Variants in HS6ST3 observed in about 807,000 individuals in gnomAD.
The protein encoded by HS6ST3 is heparan sulfate 6-O-sulfotransferase 3, also known as heparan-sulfate 6-O-sulfotransferase 3.
HS6ST3 carries 12 observed loss-of-function variants against 36.7 expected under a neutral mutation model. The observed-to-expected ratio is 0.33, with a 90% CI of 0.21 to 0.53. The LOEUF is 0.53. Among genes scored for constraint, HS6ST3 ranks in the 20% least tolerant of loss-of-function variants. The pLI is 0.95. For synonymous variants in HS6ST3, 240 were observed against 257.5 expected (o/e 0.93, Z 0.65); for missense variants, 584 against 640.9 (o/e 0.91, Z 0.96).
intron 1 of HS6ST3, among the ~76,000 whole-genome samples, chr13:96,270,535 G>GA (rs1389720427): frequency 1.3e-5 from 2 of 151,782 alleles, no homozygotes; most frequent in Non-Finnish European, 2.9e-5. Context: ...CTTCACTTCT[G>GA]AAAATTAGAC....
intron 1 of HS6ST3, among the ~76,000 whole-genome samples, chr13:96,392,441 TAAAAC>T (rs2055400442): frequency 6.6e-6 from 1 of 152,018 alleles, no homozygotes; most frequent in Non-Finnish European, 1.5e-5. Flanking sequence ...GCCTCAATAA[TAAAAC>T]AAACAGCACA....
intron 1 of HS6ST3, among the ~76,000 whole-genome samples, chr13:96,213,626 A>G (rs1003730759): frequency 3.3e-5 from 5 of 151,854 alleles, no homozygotes; most frequent in South Asian, 2.1e-4. Context: ...TTTTAATGTC[A>G]GGGAATGGTG....
In HS6ST3 at chr13:96,832,928, G is replaced by A. The variant is rs187937406; in HGVS notation, c.1146G>A (p.Thr382=). 1.8e-4 allele frequency: 286 copies of A among 1,614,088 alleles called. No individual in the cohort carries two copies. In the East Asian group the frequency reaches 3.4e-3, roughly 19 times the overall value. ...FISPFTQFNI[T]RASNVEINEG... ...CCCCCTTCACACAGTTCAACATCAC[G>A]CGGGCTTCTAACGTGGAGATCAACG... The change falls in exon 2 of 2, where the codon ACG becomes ACA. Residue 382 remains threonine (T), a synonymous_variant. Transcript: ENST00000376705.
At chr13:96,105,308 C>T (rs2053836637) in intron 1 of HS6ST3, among the ~76,000 whole-genome samples, 1 of 152,022 alleles carries the variant, frequency 6.6e-6, no homozygotes, top group Non-Finnish European at 1.5e-5. Context: ...GAAGGGTTTA[C>T]AGCTGTGAAA....
At chr13:96,523,860 C>G (rs1348133405) in intron 1 of HS6ST3, among the ~76,000 whole-genome samples, 2 of 152,294 alleles carry the variant, frequency 1.3e-5, no homozygotes, top group Non-Finnish European at 2.9e-5. Flanking sequence ...CTGCTTCTGT[C>G]AACTCGTCAA....
At chr13:96,614,964 A>C (rs1466947926) in intron 1 of HS6ST3, among the ~76,000 whole-genome samples, 1 of 152,110 alleles carries the variant, frequency 6.6e-6, no homozygotes, top group Non-Finnish European at 1.5e-5. Flanking sequence ...TTATCCAATC[A>C]GTTTATCTGA....
intron 1 of HS6ST3, among the ~76,000 whole-genome samples, chr13:96,149,807 G>C (rs1440245060): frequency 6.6e-6 from 1 of 152,174 alleles, no homozygotes; most frequent in Non-Finnish European, 1.5e-5. Context: ...TCATTCATTA[G>C]CAGCTGAATA....
intron 1 of HS6ST3, among the ~76,000 whole-genome samples, chr13:96,449,285 C>T (rs965106492): frequency 1.3e-5 from 2 of 152,148 alleles, no homozygotes; most frequent in African/African-American, 4.8e-5. Flanking sequence ...TTTAGAATGA[C>T]CATGCTTACT....
At chr13:96,442,756 T>C (rs985641589) in intron 1 of HS6ST3, among the ~76,000 whole-genome samples, 2 of 133,616 alleles carry the variant, frequency 1.5e-5, no homozygotes, top group Non-Finnish European at 3.2e-5. Flanking sequence ...GAGTTCAATA[T>C]GATAAAAAGT....
At chr13:96,525,709 A>G (rs2138930871) in intron 1 of HS6ST3, among the ~76,000 whole-genome samples, 1 of 152,354 alleles carries the variant, frequency 6.6e-6, no homozygotes, top group Non-Finnish European at 1.5e-5. Context: ...CTCATTATCA[A>G]GTTTCTTTTA....
At chr13:96,622,388 A>G (rs959918152) in intron 1 of HS6ST3, among the ~76,000 whole-genome samples, 31 of 152,258 alleles carry the variant, frequency 2.0e-4, no homozygotes, top group Middle Eastern at 3.4e-3. Context: ...ATTTGCATCT[A>G]TTATTCCAGT....
chr13:96,290,279 C>T (rs7981845), intron 1 of HS6ST3, among the ~76,000 whole-genome samples: 52,879 of 151,832 alleles, frequency 0.35, 9,445 homozygotes, highest in South Asian at 0.4. Context: ...TGGCCTGACT[C>T]ATCCAGGGTT....
chr13:96,245,736 G>T (rs1196857458), intron 1 of HS6ST3, among the ~76,000 whole-genome samples: 1 of 152,140 alleles, frequency 6.6e-6, no homozygotes. Context: ...TGGAAAACAG[G>T]CTAAGAGGCA....
intron 1 of HS6ST3, among the ~76,000 whole-genome samples, chr13:96,178,975 A>G (rs1023368102): frequency 6.6e-6 from 1 of 152,250 alleles, no homozygotes; most frequent in African/African-American, 2.4e-5. Context: ...GAGATTTACT[A>G]ACACAAACAC....
At chr13:96,615,408 G>T (rs1488669068) in intron 1 of HS6ST3, among the ~76,000 whole-genome samples, 3 of 152,176 alleles carry the variant, frequency 2.0e-5, no homozygotes, top group African/African-American at 7.2e-5. Flanking sequence ...AGGTGTCAGG[G>T]CACCATGCAA....
chr13:96,145,743 T>A (rs1382731831), intron 1 of HS6ST3, among the ~76,000 whole-genome samples: 8 of 152,156 alleles, frequency 5.3e-5, no homozygotes, highest in Non-Finnish European at 1.2e-4. Flanking sequence ...CTATGTCCTG[T>A]ATGGTATTGC....
At chr13:96,733,773 C>T (rs1876216907) in intron 1 of HS6ST3, among the ~76,000 whole-genome samples, 1 of 152,150 alleles carries the variant, frequency 6.6e-6, no homozygotes, top group South Asian at 2.1e-4. Context: ...TACTCCTGCC[C>T]CATTTCCCCA....
chr13:96,543,320 T>G (rs777025190), intron 1 of HS6ST3, among the ~76,000 whole-genome samples: 18 of 152,198 alleles, frequency 1.2e-4, no homozygotes, highest in Non-Finnish European at 1.8e-4. Flanking sequence ...TCTGCTCATC[T>G]GGTTGTCATC....
chr13:96,828,059 C>A (rs988234589), intron 1 of HS6ST3, among the ~76,000 whole-genome samples: 1 of 152,158 alleles, frequency 6.6e-6, no homozygotes, highest in African/African-American at 2.4e-5. Flanking sequence ...CCCTGCTGAC[C>A]TTTTGGGAAA....
Sources: allele counts gnomAD v4.1 joint callset (sites outside exome capture counted in the v4.1 genomes callset), GRCh38; gene constraint gnomAD v4.1.1; transcripts MANE v1.5; gene names NCBI Gene and HGNC (gene_info 2026-07-23, HGNC 2026-07-21).